The following NLRX1 variants were observed in gnomAD, a reference collection of about 807,000 sequenced individuals.
NLRX1 encodes NOD-like receptor X1.
A neutral mutation model predicts 74.2 loss-of-function variants in NLRX1; 67 were observed. The ratio of observed to expected loss-of-function variants is 0.90; its 90% CI spans 0.74 to 1.11. The LOEUF is 1.11. NLRX1 is among the 50% of genes least tolerant of loss of function. The pLI is 0.00. For missense variants in NLRX1, 1,191 were observed against 1,305.4 expected, an observed-to-expected ratio of 0.91 and a Z score of 1.35; for synonymous variants, 506 against 559.1, an observed-to-expected ratio of 0.91 and a Z score of 1.34.
intron 6 of NLRX1, chr11:119,178,106 T>C (rs1436303189): frequency 6.6e-6 from 1 of 152,136 alleles, no homozygotes; most frequent in Non-Finnish European, 1.5e-5. Flanking sequence ...AGTTAAAGGC[T>C]ACAGTGAGCT....
At chr11:119,168,515 G>C (rs531992612), upstream of NLRX1, 1 of 152,402 alleles carries the variant, frequency 6.6e-6, no homozygotes, top group South Asian at 2.1e-4. Context: ...GGGAGGCCCA[G>C]GGGTAAGGTA....
In NLRX1 at chr11:119,174,749, C is replaced by G. The variant is rs1287325548; in HGVS notation, c.1146C>G (p.His382Gln). Residue 382 changes from histidine to glutamine, a missense_variant, in exon 6 of 10, where the codon CAC (histidine) becomes CAG (glutamine). Physicochemically the swap from His to Gln is conservative, Grantham distance 24 (BLOSUM62 0). Coordinates refer to ENST00000409109, the MANE Select transcript of NLRX1 (RefSeq NM_001282144.2). ...SYCWLVCATL[H>Q]FLHAPTPAGQ... The stretch of plus-strand genomic sequence containing the variant: ...GCTGGCTCGTTTGTGCCACCTTGCA[C>G]TTCCTGCATGCCCCCACGCCTGCTG... The G allele has an allele frequency of 1.2e-6, 2 of 1,613,862 alleles. No individual in the cohort carries two copies. Among genetic ancestry groups the G allele is most frequent in the South Asian group, 2.2e-5 (2 of 91,088 alleles).
chr11:119,170,281 G>A (rs1948509519), intron 1 of NLRX1, among the ~76,000 whole-genome samples: 1 of 152,128 alleles, frequency 6.6e-6, no homozygotes, highest in Admixed American at 6.6e-5. Flanking sequence ...AGAAAGGCTG[G>A]TGAGGAGATC....
At chr11:119,175,965 TA>T (rs1441864571) in intron 6 of NLRX1, among the ~76,000 whole-genome samples, 5 of 152,232 alleles carry the variant, frequency 3.3e-5, no homozygotes, top group African/African-American at 1.2e-4. Context: ...GAAATACTAT[TA>T]TGATCCCTTT....
chr11:119,177,377 C>T (rs11217171), intron 6 of NLRX1, among the ~76,000 whole-genome samples: 4,548 of 151,894 alleles, frequency 0.03, 236 homozygotes, highest in African/African-American at 0.1. Context: ...CCACCACGCC[C>T]GGCCTATGCT....
In NLRX1 at chr11:119,179,625, A is replaced by G; in HGVS notation, c.1672-68A>G. ...TGGAGCAGTCATGGGAGTGTACCTT[A>G]AGCTGAACCTTGAAGGCTGAACAGG... On this transcript the variant is annotated intron_variant, in intron 6 of 9. Transcript: ENST00000409109. The G allele has an allele frequency of 1.0e-5, 14 of 1,404,422 alleles. No homozygotes were observed. In the South Asian group the frequency reaches 1.7e-4, roughly 17 times the overall value. The allele number at this position is 1,404,422 out of a possible 1,614,324, so 87.0% of individuals were successfully genotyped here. A position where few individuals can be genotyped will look rare whatever the true frequency, so the allele number is the denominator to read the frequency against.
chr11:119,180,436 G>GGCTC, intron 7 of NLRX1, 148 bp downstream of exon 7: 1 of 675,214 alleles, frequency 1.5e-6, no homozygotes, highest in South Asian at 2.2e-5. Context: ...CGGGAGCAGT[G>GGCTC]GCTCACACCT....
chr11:119,180,082 C>G lies in NLRX1; in HGVS notation c.2061C>G (p.Asn687Lys). 6.2e-7 allele frequency: 1 copy of G among 1,613,752 alleles called. No homozygotes were observed. The highest frequency in any genetic ancestry group is 8.5e-7 in the Non-Finnish European group (1 of 1,180,008). Residue 687 changes from asparagine to lysine, a missense_variant, in exon 7 of 10, where the codon AAC (asparagine) becomes AAG (lysine). Transcript: ENST00000409109. ...TCTTCTTCCACTATGAGTTCCAGAA[C>G]CAGCGCTTCTCCGCTGAGGTGCTCA... ...DHLFFHYEFQ[N>K]QRFSAEVLSS...
Position 119,183,025 on chromosome 11 carries a change from A to G in NLRX1, c.2607-93A>G. ...GATCGCACTCTGCAGCCAGGAGATG[A>G]GTTGTGAGGCCCCCTGACTTTCCAT... On this transcript the variant is annotated intron_variant, in intron 9 of 9. Transcript: ENST00000409109. This position sits in a 1 kb window ranked among gnomAD's most constrained non-coding sequence, Gnocchi z 5.7. 1 of 1,138,010 alleles carries G rather than the reference A, an allele frequency of 8.8e-7. No individual in the cohort carries two copies. Among genetic ancestry groups the G allele is most frequent in the Non-Finnish European group, 1.3e-6 (1 of 799,602 alleles). 70.5% of individuals were successfully genotyped at this position (1,138,010 alleles called of 1,614,324 possible).
At chr11:119,170,852 G>A (rs955853180) in intron 1 of NLRX1, among the ~76,000 whole-genome samples, 2 of 152,184 alleles carry the variant, frequency 1.3e-5, no homozygotes, top group Non-Finnish European at 1.5e-5. Flanking sequence ...GAGGCAAGAC[G>A]TGGCAGGAAG....
At chr11:119,178,691 C>G (rs551384956) in intron 6 of NLRX1, among the ~76,000 whole-genome samples, 1 of 147,794 alleles carries the variant, frequency 6.8e-6, no homozygotes, top group South Asian at 2.1e-4. Flanking sequence ...GGGCAGCACC[C>G]TGGAGGCTTT....
At position 119,169,300 on chromosome 11, in the gene NLRX1, C is replaced by T. The variant is rs1184505952; in HGVS notation, c.-51C>T. On this transcript the variant is annotated splice_region_variant and 5_prime_UTR_variant, in exon 1 of 10. Coordinates refer to ENST00000409109, the MANE Select transcript of NLRX1 (RefSeq NM_001282144.2). ...GCTCTGGACCTGTAGGAACACCGCC[C>T]CTGTACGTTTCCTGCAGTGCCCCCT... 6.6e-6 allele frequency: 1 copy of T among 152,524 alleles called. No homozygotes were observed. Among genetic ancestry groups the T allele is most frequent in the South Asian group, 2.1e-4 (1 of 4,840 alleles). The allele number at this position is 152,524 out of a possible 1,614,324, so 9.4% of individuals were successfully genotyped here.
At chr11:119,178,359 G>T (rs1389397561) in intron 6 of NLRX1, among the ~76,000 whole-genome samples, 1 of 152,126 alleles carries the variant, frequency 6.6e-6, no homozygotes, top group Non-Finnish European at 1.5e-5. Flanking sequence ...TGCCTGCTGT[G>T]TGCCAGGCAA....
chr11:119,173,646 G>C lies in NLRX1; in HGVS notation c.397G>C (p.Glu133Gln), dbSNP rs770379177. The part of the protein sequence containing the change: ...LLRPPAELAL[E>Q]HQPPQAGLPP... ...TCGCCCACCCGCGGAGCTGGCCCTG[G>C]AGCATCAGCCACCCCAGGCCGGGCT... The change falls in exon 5 of 10, where the codon GAG (glutamate) becomes CAG (glutamine). Residue 133 changes from glutamate (E) to glutamine (Q), a missense_variant. Physicochemically the swap from Glu to Gln is conservative, Grantham distance 29. Coordinates refer to ENST00000409109, the MANE Select transcript of NLRX1 (RefSeq NM_001282144.2). This position sits in a 1 kb window ranked among gnomAD's most constrained non-coding sequence, Gnocchi z 4.0. 6.2e-7 allele frequency: 1 copy of C among 1,614,098 alleles called. No individual in the cohort carries two copies. The highest frequency in any genetic ancestry group is 8.5e-7 in the Non-Finnish European group (1 of 1,180,034).
intron 1 of NLRX1, 86 bp from the exon 2 acceptor site, chr11:119,171,270 A>C: frequency 1.2e-6 from 1 of 865,032 alleles, no homozygotes; most frequent in Non-Finnish European, 1.7e-6. Flanking sequence ...CTCTCCTGGG[A>C]GGAAGGTCCC....
chr11:119,183,051 C>T lies in NLRX1; in HGVS notation c.2607-67C>T. ...GTTGTGAGGCCCCCTGACTTTCCAT[C>T]CATCTACCCTCGGGCCCTCCTTCTC... On this transcript the variant is annotated intron_variant, in intron 9 of 9. Coordinates refer to ENST00000409109, the MANE Select transcript of NLRX1 (RefSeq NM_001282144.2). The surrounding 1 kb of genome is among the most constrained non-coding windows in gnomAD (Gnocchi z 5.7). 1.4e-6 allele frequency: 2 copies of T among 1,418,348 alleles called. No individual in the cohort carries two copies. Among genetic ancestry groups the T allele is most frequent in the Non-Finnish European group, 9.6e-7 (1 of 1,040,284 alleles). 87.9% of individuals were successfully genotyped at this position (1,418,348 alleles called of 1,614,324 possible).
chr11:119,172,782 G>A, intron 3 of NLRX1, 119 bp from the exon 4 acceptor site: 1 of 763,542 alleles, frequency 1.3e-6, no homozygotes, highest in Non-Finnish European at 2.3e-6. Context: ...GGGGTCCAGT[G>A]TGGGGCCTTT....
chr11:119,176,700 A>G (rs1049867560), intron 6 of NLRX1, among the ~76,000 whole-genome samples: 27 of 152,110 alleles, frequency 1.8e-4, no homozygotes, highest in African/African-American at 6.3e-4. Flanking sequence ...AAAAAATAAT[A>G]ATAACAAAAT....
chr11:119,178,978 C>T (rs1323031826), intron 6 of NLRX1, among the ~76,000 whole-genome samples: 1 of 152,168 alleles, frequency 6.6e-6, no homozygotes, highest in Non-Finnish European at 1.5e-5. Flanking sequence ...AGCCACTGCA[C>T]CTGGCCTATG....
Sources: gnomAD v4.1 joint callset for allele counts (sites outside exome capture counted in the v4.1 genomes callset) on GRCh38, gnomAD v4.1.1 for gene constraint, Gnocchi (gnomAD v3.1) non-coding constraint, MANE v1.5 for transcripts, NCBI Gene and HGNC (gene_info 2026-07-23, HGNC 2026-07-21) for gene names.